The following FKTN variants were observed in gnomAD, a reference collection of about 807,000 sequenced individuals.
FKTN encodes fukutin.
In FKTN, 47 loss-of-function variants were observed where a neutral mutation model predicts 58.6. That is an observed-to-expected ratio of 0.80 (90% CI 0.63 to 1.02). The LOEUF is 1.02. Ranked by LOEUF, FKTN falls within the 50% of genes least tolerant of loss-of-function variation. The probability of loss-of-function intolerance (pLI) is 0.00; values close to 1 mark genes in which losing one functional copy is unlikely to be tolerated. For missense variants in FKTN, 516 were observed against 537.3 expected, an observed-to-expected ratio of 0.96 and a Z score of 0.39; for synonymous variants, 178 against 191.9, an observed-to-expected ratio of 0.93 and a Z score of 0.60.
chr9:105,636,136 A>G lies in FKTN; in HGVS notation c.*872A>G. On this transcript the variant is annotated 3_prime_UTR_variant, in exon 11 of 11. Coordinates refer to ENST00000357998, the MANE Select transcript of FKTN (RefSeq NM_001079802.2). The stretch of plus-strand genomic sequence containing the variant: ...AGTCTGTTAGGTAAAAATATGAGAA[A>G]TTCATGTACATTTTATATTTTCTGA... The G allele has an allele frequency of 2.1e-6, 2 of 953,638 alleles. No homozygotes were observed. The highest frequency in any genetic ancestry group is 2.5e-6 in the Non-Finnish European group (2 of 801,136). 59.1% of individuals were successfully genotyped at this position (953,638 alleles called of 1,614,324 possible).
intron 3 of FKTN, among the ~76,000 whole-genome samples, chr9:105,595,927 T>C (rs1156543734): frequency 6.6e-6 from 1 of 152,210 alleles, no homozygotes; most frequent in Non-Finnish European, 1.5e-5. Context: ...CTCTAGAACA[T>C]CAGACATTCT....
chr9:105,623,640 G>A (rs1227308377), intron 10 of FKTN, among the ~76,000 whole-genome samples: 1 of 152,174 alleles, frequency 6.6e-6, no homozygotes. Flanking sequence ...TCCCATCCAG[G>A]TGTGGATCCT....
At chr9:105,614,910 GTC>G (rs1259440390) in intron 7 of FKTN, among the ~76,000 whole-genome samples, 2 of 146,186 alleles carry the variant, frequency 1.4e-5, no homozygotes, top group Non-Finnish European at 3.0e-5. Context: ...TTTTGAGACA[GTC>G]TCATTCTGTC....
intron 7 of FKTN, among the ~76,000 whole-genome samples, chr9:105,613,113 T>C (rs143316301): frequency 1.5e-3 from 227 of 152,364 alleles, no homozygotes; most frequent in African/African-American, 5.2e-3. Context: ...TCATATTTGC[T>C]GTTTAGTCCT....
At chr9:105,633,566 C>G (rs1297242932) in intron 10 of FKTN, 1 of 152,228 alleles carries the variant, frequency 6.6e-6, no homozygotes, top group Non-Finnish European at 1.5e-5. Context: ...ATTCCGTTAA[C>G]ATGAGTGTGC....
At chr9:105,620,803 T>TAGTAGTAGC (rs1286249811) in intron 10 of FKTN, among the ~76,000 whole-genome samples, 2 of 151,354 alleles carry the variant, frequency 1.3e-5, no homozygotes, top group African/African-American at 4.9e-5. Flanking sequence ...GTAGTAGTAG[T>TAGTAGTAGC]AGTAGTAGTA....
At chr9:105,571,567 A>G (rs1840740045) in intron 1 of FKTN, among the ~76,000 whole-genome samples, 1 of 152,158 alleles carries the variant, frequency 6.6e-6, no homozygotes, top group African/African-American at 2.4e-5. Context: ...ATTAATTTAG[A>G]TTTTATGCCT....
intron 10 of FKTN, among the ~76,000 whole-genome samples, chr9:105,620,760 G>A (rs532211950): frequency 1.1e-4 from 15 of 142,140 alleles, no homozygotes; most frequent in African/African-American, 3.7e-4. Context: ...ATTACCTGCT[G>A]TTACTAATAC....
Position 105,575,876 on chromosome 9 carries a change from T to C in FKTN, c.105+739T>C, listed in dbSNP as rs114046585. ...AGTATACTTCCCTGCCTTTTTTATGTTGGGCTTGACCAGTAGAATGTTAAC... is the reference window on the plus strand; with the variant it reads ...AGTATACTTCCCTGCCTTTTTTATGCTGGGCTTGACCAGTAGAATGTTAAC... On this transcript the variant is annotated intron_variant, in intron 3 of 10. Coordinates refer to ENST00000357998, the MANE Select transcript of FKTN (RefSeq NM_001079802.2). Among the ~76,000 whole-genome samples the C allele has an allele frequency of 9.0e-3, 1,377 of 152,306 alleles. 22 individuals carry two copies. Among genetic ancestry groups the C allele is most frequent in the African/African-American group, 0.032 (1,319 of 41,554 alleles).
At position 105,587,640 on chromosome 9, in the gene FKTN, C is replaced by T. The variant is rs533471047; in HGVS notation, c.106-8958C>T. On this transcript the variant is annotated intron_variant, in intron 3 of 10. Coordinates refer to ENST00000357998, the MANE Select transcript of FKTN (RefSeq NM_001079802.2). ...AATACTACTGCCCCACTTCTTCTAT[C>T]ACCCTCTCACTCCTGCTATTATCCA... Among the ~76,000 whole-genome samples, 6 of 152,292 alleles carry T rather than the reference C, an allele frequency of 3.9e-5. 1 individual carries two copies. In the East Asian group the frequency reaches 7.7e-4, roughly 20 times the overall value.
intron 4 of FKTN, among the ~76,000 whole-genome samples, chr9:105,599,591 C>T (rs1233335874): frequency 1.3e-5 from 2 of 151,272 alleles, no homozygotes; most frequent in African/African-American, 4.9e-5. Flanking sequence ...GCAACCTCCA[C>T]CTCCCGGGTT....
chr9:105,578,229 G>C (rs1487620358), intron 3 of FKTN, among the ~76,000 whole-genome samples: 7 of 149,790 alleles, frequency 4.7e-5, no homozygotes, highest in Non-Finnish European at 7.4e-5. Context: ...GGTGAGAGAG[G>C]ACATCCCTGT....
chr9:105,592,130 T>G (rs982832179), intron 3 of FKTN, among the ~76,000 whole-genome samples: 1 of 152,262 alleles, frequency 6.6e-6, no homozygotes, highest in Non-Finnish European at 1.5e-5. Context: ...GTCCCCATTT[T>G]CTTGGCGAAT....
At position 105,575,000 on chromosome 9, in the gene FKTN, T is replaced by G. The variant is rs553546181; in HGVS notation, c.-33T>G. 1 of 1,185,078 alleles carries G rather than the reference T, an allele frequency of 8.4e-7. No individual in the cohort carries two copies. Among genetic ancestry groups the G allele is most frequent in the Non-Finnish European group, 1.3e-6 (1 of 788,694 alleles). The allele number at this position is 1,185,078 out of a possible 1,614,324, so 73.4% of individuals were successfully genotyped here. A position where few individuals can be genotyped will look rare whatever the true frequency, so the allele number is the denominator to read the frequency against. On this transcript the variant is annotated 5_prime_UTR_variant, in exon 3 of 11. Transcript: ENST00000357998. ...AAAAGATGAAAACGACTGAGATACT[T>G]TCAAAAGACAACCAAGTGAGCAGCA...
chr9:105,581,560 C>T (rs1490430951), intron 3 of FKTN, among the ~76,000 whole-genome samples: 2 of 151,820 alleles, frequency 1.3e-5, no homozygotes, highest in Non-Finnish European at 2.9e-5. Context: ...AGAACCACTG[C>T]TCTCTTCAAA....
At position 105,587,146 on chromosome 9, in the gene FKTN, T is replaced by C. The variant is rs1480995896; in HGVS notation, c.106-9452T>C. Among the ~76,000 whole-genome samples the C allele has an allele frequency of 6.6e-5, 10 of 152,298 alleles. No homozygotes were observed. In the East Asian group the frequency reaches 1.7e-3, roughly 26 times the overall value. ...TATGTTTGTATTAGGCACTGAGTGATCCAAGCCTTTTTATTGTTCTTGACT... is the reference window on the plus strand; with the variant it reads ...TATGTTTGTATTAGGCACTGAGTGACCCAAGCCTTTTTATTGTTCTTGACT... On this transcript the variant is annotated intron_variant, in intron 3 of 10. Transcript: ENST00000357998.
In FKTN at chr9:105,612,107, T is replaced by G. The variant is rs573441263; in HGVS notation, c.781-3171T>G. 9.2e-5 allele frequency among the ~76,000 whole-genome samples: 14 copies of G among 152,208 alleles called. No individual in the cohort carries two copies. The East Asian group carries it at 2.7e-3, about 29-fold the overall frequency. On this transcript the variant is annotated intron_variant, in intron 7 of 10. Transcript: ENST00000357998. Reference sequence around the variant, plus strand: ...TGGTATTAGATAGTATCGTATTGTTTTTTATTGCATTTTCTAATGATCAGT... The same window carrying G: ...TGGTATTAGATAGTATCGTATTGTTGTTTATTGCATTTTCTAATGATCAGT...
chr9:105,594,431 T>TA (rs1826370599), intron 3 of FKTN, among the ~76,000 whole-genome samples: 1 of 152,184 alleles, frequency 6.6e-6, no homozygotes, highest in Non-Finnish European at 1.5e-5. Flanking sequence ...TGGGCAGAAT[T>TA]AAAGCCCCAC....
At chr9:105,577,549 C>T (rs1228033327) in intron 3 of FKTN, among the ~76,000 whole-genome samples, 1 of 144,070 alleles carries the variant, frequency 6.9e-6, no homozygotes, top group Non-Finnish European at 1.5e-5. Flanking sequence ...GGTACCAGTA[C>T]CATGCTGTTT....
Sources: allele counts gnomAD v4.1 joint callset (sites outside exome capture counted in the v4.1 genomes callset), GRCh38; gene constraint gnomAD v4.1.1; transcripts MANE v1.5; gene names NCBI Gene and HGNC (gene_info 2026-07-23, HGNC 2026-07-21).